CRB1: variants seen among roughly 807,000 people sequenced by gnomAD.
CRB1 encodes protein crumbs homolog 1.
In CRB1, 83 loss-of-function variants were observed where a neutral mutation model predicts 120.0. That is an observed-to-expected ratio of 0.69 (90% CI 0.58 to 0.83). The LOEUF (loss-of-function observed/expected upper bound fraction) is 0.83, where lower values mean the gene tolerates loss of function less well. Ranked by LOEUF, CRB1 falls within the 40% of genes least tolerant of loss-of-function variation. CRB1 has a pLI of 0.00. For synonymous variants in CRB1, 625 were observed against 612.5 expected, an observed-to-expected ratio of 1.02 and a Z score of -0.30; for missense variants, 1,699 against 1,687.6, an observed-to-expected ratio of 1.01 and a Z score of -0.12.
rs1571524102 is a variant in CRB1 at position 197,421,461 on chromosome 1, T to C, written c.1633T>C (p.Ser545Pro). Residue 545 changes from serine (S) to proline (P), a missense_variant, in exon 6 of 12, where the codon TCA (serine) becomes CCA (proline). Physicochemically the swap from Ser to Pro is moderately conservative, Grantham distance 74. Transcript: ENST00000367400. ...LELLSGYIHL[S>P]IQVNNQSKVL... ...GCTGCTAAGTGGCTACATTCACTTA[T>C]CAATTCAGGTCAATAATCAGTCAAA... 6.2e-7 allele frequency: 1 copy of C among 1,614,238 alleles called. No homozygotes were observed. Among genetic ancestry groups the C allele is most frequent in the Non-Finnish European group, 8.5e-7 (1 of 1,180,046 alleles).
intron 9 of CRB1, chr1:197,438,177 C>T (rs1465216456): frequency 3.2e-6 from 1 of 311,560 alleles, no homozygotes; most frequent in Non-Finnish European, 6.2e-6. Flanking sequence ...TGCTTCCTGG[C>T]CTTTATAGAG....
At chr1:197,370,475 T>C (rs1661313996) in intron 5 of CRB1, among the ~76,000 whole-genome samples, 1 of 152,110 alleles carries the variant, frequency 6.6e-6, no homozygotes, top group Non-Finnish European at 1.5e-5. Flanking sequence ...TTGTATCAAG[T>C]ACACTCTCAG....
intron 5 of CRB1, among the ~76,000 whole-genome samples, chr1:197,419,105 G>A (rs1664153554): frequency 6.6e-6 from 1 of 152,080 alleles, no homozygotes; most frequent in Non-Finnish European, 1.5e-5. Context: ...AAAGAGCCTC[G>A]TGATGTAAAT....
At chr1:197,463,041 A>T (rs1284305654) in intron 11 of CRB1, among the ~76,000 whole-genome samples, 1 of 152,128 alleles carries the variant, frequency 6.6e-6, no homozygotes, top group Non-Finnish European at 1.5e-5. Context: ...TCATCGCCTG[A>T]TGATATTGTG....
the CRB1 span, among the ~76,000 whole-genome samples, chr1:197,245,157 C>T: frequency 6.6e-6 from 1 of 151,960 alleles, no homozygotes; most frequent in Non-Finnish European, 1.5e-5. Flanking sequence ...GTGTGCTGCA[C>T]CCATTAACTC....
chr1:197,468,590 T>G (rs1449022573), intron 11 of CRB1, among the ~76,000 whole-genome samples: 1 of 152,132 alleles, frequency 6.6e-6, no homozygotes. Context: ...GATCAGCCAC[T>G]TGGGCAAAGC....
intron 2 of CRB1, among the ~76,000 whole-genome samples, chr1:197,338,932 A>T (rs141300423): frequency 2.6e-5 from 4 of 152,222 alleles, no homozygotes; most frequent in Non-Finnish European, 4.4e-5. Context: ...CTGATTGTAA[A>T]GTGCATCTCG....
chr1:197,401,328 T>C (rs907220103), intron 5 of CRB1, among the ~76,000 whole-genome samples: 4 of 152,164 alleles, frequency 2.6e-5, no homozygotes, highest in African/African-American at 9.6e-5. Flanking sequence ...CTTAAAAACA[T>C]TTTTTAAATG....
chr1:197,374,679 C>T (rs1179497334), intron 5 of CRB1, among the ~76,000 whole-genome samples: 1 of 152,172 alleles, frequency 6.6e-6, no homozygotes, highest in African/African-American at 2.4e-5. Flanking sequence ...TTCAATTTCT[C>T]TTGCTTGTGG....
At chr1:197,245,134 A>G in the CRB1 span, among the ~76,000 whole-genome samples, 4 of 152,048 alleles carry the variant, frequency 2.6e-5, no homozygotes, top group East Asian at 5.8e-4. Flanking sequence ...GTATGTATAC[A>G]TGTGCCATGT....
At chr1:197,304,528 G>A (rs1206705332) in intron 1 of CRB1, 2 of 255,204 alleles carry the variant, frequency 7.8e-6, no homozygotes, top group Admixed American at 6.5e-5. Flanking sequence ...ACTATGGGTT[G>A]ACTTGCTCAG....
the CRB1 span, among the ~76,000 whole-genome samples, chr1:197,252,538 T>TTA: frequency 3.8e-3 from 105 of 27,800 alleles, 3 homozygotes; most frequent in Non-Finnish European, 4.3e-3. Flanking sequence ...CCAATAGATT[T>TTA]TATATATATA....
Position 197,429,678 on chromosome 1 carries a change from C to A in CRB1, c.2842+64C>A, listed in dbSNP as rs1157113336. On this transcript the variant is annotated intron_variant, in intron 8 of 11. Transcript: ENST00000367400. ...TGCGACATTTGAGTTGTTCCAAGAG[C>A]AAACACAGAAAAAGAGTATAGACAA... 3.4e-5 allele frequency: 51 copies of A among 1,520,602 alleles called. 1 individual carries two copies. The South Asian group carries it at 5.6e-4, about 17-fold the overall frequency. The allele number at this position is 1,520,602 out of a possible 1,614,324, so 94.2% of individuals were successfully genotyped here. A position where few individuals can be genotyped will look rare whatever the true frequency, so the allele number is the denominator to read the frequency against.
At chr1:197,215,280 T>C in the CRB1 span, among the ~76,000 whole-genome samples, 1 of 150,666 alleles carries the variant, frequency 6.6e-6, no homozygotes, top group Non-Finnish European at 1.5e-5. Context: ...GGGAGATTTT[T>C]TTTTTTTTTT....
At chr1:197,431,754 C>T (rs1664879280) in intron 8 of CRB1, among the ~76,000 whole-genome samples, 2 of 152,128 alleles carry the variant, frequency 1.3e-5, no homozygotes, top group Non-Finnish European at 1.5e-5. Context: ...CTGACACCCC[C>T]AGAAAGTCCC....
chr1:197,386,267 G>A (rs567162257), intron 5 of CRB1, among the ~76,000 whole-genome samples: 165 of 152,216 alleles, frequency 1.1e-3, no homozygotes, highest in Non-Finnish European at 2.1e-3. Flanking sequence ...CAAACGATAT[G>A]GTAAATATAC....
At chr1:197,376,524 C>T (rs1303755371) in intron 5 of CRB1, among the ~76,000 whole-genome samples, 1 of 152,082 alleles carries the variant, frequency 6.6e-6, no homozygotes, top group East Asian at 1.9e-4. Flanking sequence ...AATTCAAAGC[C>T]GTATTTGGTT....
the CRB1 span, among the ~76,000 whole-genome samples, chr1:197,255,996 T>TATATATATATATATATACATAC: frequency 8.6e-6 from 1 of 116,710 alleles, no homozygotes; most frequent in Non-Finnish European, 1.7e-5. Flanking sequence ...TATATATATA[T>TATATATATATATATATACATAC]ACACTACAAT....
chr1:197,422,345 A>C (rs551335488), intron 6 of CRB1, among the ~76,000 whole-genome samples: 3 of 152,254 alleles, frequency 2.0e-5, no homozygotes, highest in South Asian at 4.1e-4. Context: ...AAAATTTGTC[A>C]GTGCCACATA....
Sources: gnomAD v4.1 joint callset for allele counts (sites outside exome capture counted in the v4.1 genomes callset) on GRCh38, gnomAD v4.1.1 for gene constraint, MANE v1.5 for transcripts, NCBI Gene and HGNC (gene_info 2026-07-23, HGNC 2026-07-21) for gene names.